YWHAB: variants seen among roughly 807,000 people sequenced by gnomAD.
YWHAB encodes the protein tyrosine 3-monooxygenase/tryptophan 5-monooxygenase activation protein beta.
YWHAB carries 2 observed loss-of-function variants against 28.5 expected under a neutral mutation model. That is an observed-to-expected ratio of 0.07 (90% CI 0.03 to 0.22). The LOEUF (loss-of-function observed/expected upper bound fraction) is 0.22. Ranked by LOEUF, YWHAB falls within the 10% of genes least tolerant of loss-of-function variation. YWHAB has a pLI of 1.00. For missense variants in YWHAB, 148 were observed against 297.1 expected (o/e 0.50, Z 3.69); for synonymous variants, 103 against 104.7 (o/e 0.98, Z 0.10).
intron 1 of YWHAB, among the ~76,000 whole-genome samples, chr20:44,894,344 CT>C (rs1334558170): frequency 1.3e-5 from 2 of 152,158 alleles, no homozygotes; most frequent in Non-Finnish European, 2.9e-5. Flanking sequence ...CTTTCAAAAA[CT>C]TTTTAGGAGA....
At chr20:44,894,810 C>T (rs187631611) in intron 1 of YWHAB, among the ~76,000 whole-genome samples, 7 of 152,334 alleles carry the variant, frequency 4.6e-5, no homozygotes, top group Non-Finnish European at 8.8e-5. Flanking sequence ...TTAACATGCT[C>T]ACATGGCTGT....
chr20:44,899,004 T>C (rs1218034926), intron 1 of YWHAB, among the ~76,000 whole-genome samples: 5 of 152,180 alleles, frequency 3.3e-5, no homozygotes, highest in African/African-American at 7.2e-5. Context: ...CAGTCCCAGC[T>C]ACTCGGGTGG....
chr20:44,901,115 G>C (rs1194237127), intron 1 of YWHAB, among the ~76,000 whole-genome samples: 1 of 152,190 alleles, frequency 6.6e-6, no homozygotes, highest in African/African-American at 2.4e-5. Context: ...TAAGCAGTCT[G>C]TATGTGCCAG....
rs1003049045 is a variant in YWHAB at position 44,904,955 on chromosome 20, C to T, written c.425-13C>T. 1 of 1,571,852 alleles carries T rather than the reference C, an allele frequency of 6.4e-7. No homozygotes were observed. The highest frequency in any genetic ancestry group is 1.2e-5 in the South Asian group (1 of 86,422). On this transcript the variant is annotated splice_polypyrimidine_tract_variant and intron_variant, in intron 3 of 5. Coordinates refer to ENST00000353703, the MANE Select transcript of YWHAB (RefSeq NM_139323.4). ...AGAACCGAGCCTTTAATATTTTCAT[C>T]TTTATGTTACAGCCACTGTGTCGAA...
chr20:44,906,144 C>A, intron 5 of YWHAB, 48 bp downstream of exon 5: 2 of 1,419,770 alleles, frequency 1.4e-6, no homozygotes, highest in Non-Finnish European at 2.0e-6. Flanking sequence ...TATTCACCTA[C>A]TTAATAATTC....
intron 1 of YWHAB, among the ~76,000 whole-genome samples, chr20:44,896,944 G>A (rs1490774031): frequency 6.6e-6 from 1 of 152,182 alleles, no homozygotes; most frequent in African/African-American, 2.4e-5. Flanking sequence ...AAAAATATTT[G>A]AAACAGATAA....
intron 1 of YWHAB, among the ~76,000 whole-genome samples, chr20:44,894,348 T>C (rs1433841137): frequency 6.6e-6 from 1 of 152,182 alleles, no homozygotes; most frequent in African/African-American, 2.4e-5. Flanking sequence ...CAAAAACTTT[T>C]TAGGAGACAA....
Position 44,890,136 on chromosome 20 carries a change from A to G in YWHAB, c.-4+4250A>G, listed in dbSNP as rs2066551774. On this transcript the variant is annotated intron_variant, in intron 1 of 5. Transcript: ENST00000353703. ...AGTTAGCTGGTTTGGGTTTCTGTAT[A>G]GTGAACTTTTTGTATAGCGAACTGA... Among the ~76,000 whole-genome samples, 7 of 152,350 alleles carry G rather than the reference A, an allele frequency of 4.6e-5. No individual in the cohort carries two copies. In the South Asian group the frequency reaches 1.4e-3, roughly 32 times the overall value.
intron 1 of YWHAB, among the ~76,000 whole-genome samples, chr20:44,888,430 T>G (rs2145521713): frequency 6.6e-6 from 1 of 152,338 alleles, no homozygotes; most frequent in Non-Finnish European, 1.5e-5. Flanking sequence ...ACTAAGGCAC[T>G]GAGAAGGATA....
At chr20:44,894,564 C>T (rs556453041) in intron 1 of YWHAB, among the ~76,000 whole-genome samples, 2 of 152,182 alleles carry the variant, frequency 1.3e-5, no homozygotes, top group Non-Finnish European at 2.9e-5. Flanking sequence ...TAGACTTTTG[C>T]TTTTCCTTCT....
chr20:44,893,977 G>A (rs1436952832), intron 1 of YWHAB, among the ~76,000 whole-genome samples: 1 of 152,130 alleles, frequency 6.6e-6, no homozygotes, highest in Non-Finnish European at 1.5e-5. Flanking sequence ...GATTACACAC[G>A]TAAGCCAGTG....
chr20:44,889,474 T>G (rs1486214007), intron 1 of YWHAB, among the ~76,000 whole-genome samples: 1 of 152,000 alleles, frequency 6.6e-6, no homozygotes, highest in African/African-American at 2.4e-5. Context: ...TTTTTTTTTT[T>G]TTTAAATTCT....
Position 44,906,541 on chromosome 20 carries a change from C to T in YWHAB, c.*103C>T, listed in dbSNP as rs1364101694. 6 of 1,093,352 alleles carry T rather than the reference C, an allele frequency of 5.5e-6. No individual in the cohort carries two copies. The highest frequency in any genetic ancestry group is 7.6e-6 in the Non-Finnish European group (6 of 791,860). The allele number at this position is 1,093,352 out of a possible 1,614,324, so 67.7% of individuals were successfully genotyped here. A position where few individuals can be genotyped will look rare whatever the true frequency, so the allele number is the denominator to read the frequency against. ...AAAAAAAAAAAAGAGAATCGTACGT[C>T]GACTTTCGATTTTTCACAGCCTCAG... On this transcript the variant is annotated 3_prime_UTR_variant, in exon 6 of 6. Transcript: ENST00000353703.
intron 2 of YWHAB, chr20:44,903,116 T>A: frequency 1.0e-6 from 1 of 985,034 alleles, no homozygotes; most frequent in Non-Finnish European, 1.2e-6. Context: ...CAGAACTACT[T>A]TTGTTGTAAG....
chr20:44,898,235 T>G (rs781114600), intron 1 of YWHAB, among the ~76,000 whole-genome samples: 3 of 152,204 alleles, frequency 2.0e-5, no homozygotes, highest in Non-Finnish European at 4.4e-5. Context: ...AAAGTGAGAC[T>G]TGCCTCACTG....
chr20:44,906,308 AT>A, intron 5 of YWHAB, 73 bp from the exon 6 acceptor site: 1 of 1,472,048 alleles, frequency 6.8e-7, no homozygotes, highest in Non-Finnish European at 9.5e-7. Context: ...GTGAGATAAG[AT>A]TATACATACT....
At chr20:44,892,183 T>TA (rs1189691401) in intron 1 of YWHAB, among the ~76,000 whole-genome samples, 1 of 152,246 alleles carries the variant, frequency 6.6e-6, no homozygotes, top group Admixed American at 6.5e-5. Flanking sequence ...ATCAGTTCCT[T>TA]ACCCCATTGA....
intron 1 of YWHAB, among the ~76,000 whole-genome samples, chr20:44,894,465 C>G (rs1241217359): frequency 6.6e-6 from 1 of 152,126 alleles, no homozygotes; most frequent in Non-Finnish European, 1.5e-5. Flanking sequence ...CTAGAAAATT[C>G]AATTAGAAAC....
At chr20:44,892,994 A>G (rs2066572187) in intron 1 of YWHAB, among the ~76,000 whole-genome samples, 1 of 152,216 alleles carries the variant, frequency 6.6e-6, no homozygotes, top group Admixed American at 6.5e-5. Context: ...AAAACAAAAC[A>G]TAGCTGAAAG....
Sources: gnomAD v4.1 joint callset for allele counts (sites outside exome capture counted in the v4.1 genomes callset) on GRCh38, gnomAD v4.1.1 for gene constraint, MANE v1.5 for transcripts, NCBI Gene and HGNC (gene_info 2026-07-23, HGNC 2026-07-21) for gene names.